EGFLAM: variants seen among roughly 807,000 people sequenced by gnomAD.
EGFLAM encodes the protein EGF like, fibronectin type III and laminin G domains.
EGFLAM carries 79 observed loss-of-function variants against 113.1 expected under a neutral mutation model. That is an observed-to-expected ratio of 0.70 (90% CI 0.58 to 0.84). EGFLAM has a LOEUF of 0.84. Among genes scored for constraint, EGFLAM ranks in the 40% least tolerant of loss-of-function variants. The probability of loss-of-function intolerance (pLI) is 0.00; values close to 1 mark genes in which losing one functional copy is unlikely to be tolerated. For missense variants in EGFLAM, 1,265 were observed against 1,291.6 expected, an observed-to-expected ratio of 0.98 and a Z score of 0.32; for synonymous variants, 504 against 487.6, an observed-to-expected ratio of 1.03 and a Z score of -0.44.
chr5:38,350,155 A>C (rs1349266256), intron 3 of EGFLAM, among the ~76,000 whole-genome samples: 1 of 152,218 alleles, frequency 6.6e-6, no homozygotes, highest in Non-Finnish European at 1.5e-5. Context: ...GAAAGAAGGA[A>C]CTGGGGAATT....
At chr5:38,425,215 C>G (rs2961894) in intron 13 of EGFLAM, 123 bp downstream of exon 13, 63,416 of 1,424,604 alleles carry the variant, frequency 0.045, 5,174 homozygotes, top group African/African-American at 0.35. Context: ...GGCTCCCTCT[C>G]TTACCCAGGC....
intron 5 of EGFLAM, among the ~76,000 whole-genome samples, chr5:38,359,469 G>A (rs1469068502): frequency 6.6e-6 from 1 of 152,210 alleles, no homozygotes; most frequent in Non-Finnish European, 1.5e-5. Flanking sequence ...GAGGCCAGGA[G>A]TTTGAGACCA....
At chr5:38,320,719 C>G (rs1212475204) in intron 1 of EGFLAM, among the ~76,000 whole-genome samples, 6 of 152,002 alleles carry the variant, frequency 3.9e-5, no homozygotes, top group African/African-American at 1.2e-4. Context: ...CAGCGGTCCC[C>G]AACCTGGGAC....
chr5:38,463,867 C>T lies in EGFLAM; in HGVS notation c.2911C>T (p.Gln971Ter). ...MKEIALHTNR[Q>*]YMRGLVGCIS... is the part of the protein sequence containing the mutation. ...GGAAATTGCTCTGCACACTAACAGG[C>T]AATATATGAGAGGGCTCGTGGGCTG... Residue 971 changes from glutamine to a stop codon, truncating the protein, a stop_gained, in exon 22 of 22, where the codon CAA (glutamine) becomes TAA (stop). Coordinates refer to ENST00000322350, the MANE Select transcript of EGFLAM (RefSeq NM_152403.4). LOFTEE classifies it high-confidence loss of function. The T allele has an allele frequency of 3.1e-6, 5 of 1,614,152 alleles. No individual in the cohort carries two copies. The highest frequency in any genetic ancestry group is 3.4e-6 in the Non-Finnish European group (4 of 1,180,032).
rs116323114 is a variant in EGFLAM, at chr5:38,302,069, G to A, written c.98-35451G>A. On this transcript the variant is annotated intron_variant, in intron 1 of 21. Transcript: ENST00000322350. The stretch of plus-strand genomic sequence containing the variant: ...AGCCTGGCCAACGTAGCGAAACCCC[G>A]TCTCTACTAAATACAAAATTAGCTG... Among the ~76,000 whole-genome samples, 1,459 of 152,012 alleles carry A rather than the reference G, an allele frequency of 9.6e-3. 26 individuals carry two copies. The highest frequency in any genetic ancestry group is 0.033 in the African/African-American group (1,356 of 41,422).
intron 6 of EGFLAM, among the ~76,000 whole-genome samples, chr5:38,378,487 G>C (rs1196117272): frequency 6.6e-6 from 1 of 152,234 alleles, no homozygotes; most frequent in Non-Finnish European, 1.5e-5. Flanking sequence ...GCAGCAGTGA[G>C]CAGAGAGGAA....
chr5:38,358,595 T>C (rs539176310), intron 5 of EGFLAM, among the ~76,000 whole-genome samples: 1 of 152,074 alleles, frequency 6.6e-6, no homozygotes, highest in Admixed American at 6.5e-5. Context: ...ACCAAGCAAA[T>C]TTTTGTTCTT....
At chr5:38,335,491 C>T (rs767088929) in intron 1 of EGFLAM, among the ~76,000 whole-genome samples, 5 of 152,134 alleles carry the variant, frequency 3.3e-5, no homozygotes, top group South Asian at 2.1e-4. Flanking sequence ...TCCCAGAACT[C>T]GTCTCATCCT....
intron 6 of EGFLAM, among the ~76,000 whole-genome samples, chr5:38,373,031 A>G (rs546258210): frequency 1.3e-5 from 2 of 152,240 alleles, no homozygotes; most frequent in East Asian, 3.9e-4. Context: ...CAAATTAACA[A>G]ATTACTTCAA....
intron 1 of EGFLAM, among the ~76,000 whole-genome samples, chr5:38,276,681 A>T (rs1757894848): frequency 6.6e-6 from 1 of 152,122 alleles, no homozygotes; most frequent in South Asian, 2.1e-4. Context: ...ACTTTTAGCT[A>T]GACTAGAAAA....
chr5:38,442,467 AG>A (rs1393665229), intron 17 of EGFLAM, among the ~76,000 whole-genome samples: 1 of 150,040 alleles, frequency 6.7e-6, no homozygotes, highest in Non-Finnish European at 1.5e-5. Flanking sequence ...ATTAAAAATA[AG>A]TCATTTCAAA....
rs944986531 is a variant in EGFLAM, at chr5:38,427,409, G to C, written c.2054+157G>C. 5.5e-6 allele frequency: 7 copies of C among 1,266,058 alleles called. No homozygotes were observed. In the South Asian group the frequency reaches 1.1e-4, roughly 19 times the overall value. 78.4% of individuals were successfully genotyped at this position (1,266,058 alleles called of 1,614,324 possible). On this transcript the variant is annotated intron_variant, in intron 14 of 21. Transcript: ENST00000322350. ...GTCCTGACTTGTCCTGCTTCAGGCA[G>C]ATGACAGGCTTCCTATAGAGAGTGC... is the stretch of plus-strand genomic sequence containing the variant.
At chr5:38,404,569 T>C (rs1456116381) in intron 6 of EGFLAM, among the ~76,000 whole-genome samples, 2 of 152,252 alleles carry the variant, frequency 1.3e-5, no homozygotes, top group African/African-American at 4.8e-5. Context: ...CTGAGAATGG[T>C]GCATGACTTA....
rs149575293 is a variant in EGFLAM, at chr5:38,273,973, A to C, written c.97+15122A>C. On this transcript the variant is annotated intron_variant, in intron 1 of 21. Transcript: ENST00000322350. The stretch of plus-strand genomic sequence containing the variant: ...TTCAATAAAATGCGTAGAAACAGTT[A>C]AATGAAATGAAGAAAAGAATAAGTG... 5.3e-3 allele frequency among the ~76,000 whole-genome samples: 807 copies of C among 152,328 alleles called. 9 individuals are homozygous for C. The highest frequency in any genetic ancestry group is 0.018 in the African/African-American group (750 of 41,572).
At chr5:38,358,307 C>G (rs1435150575) in intron 5 of EGFLAM, among the ~76,000 whole-genome samples, 1 of 150,934 alleles carries the variant, frequency 6.6e-6, no homozygotes, top group African/African-American at 2.4e-5. Flanking sequence ...GTTGGCCGGG[C>G]GAGGTGGCGG....
rs1221180343 is a variant in EGFLAM at position 38,464,930 on chromosome 5, T to G, written c.*944T>G. The G allele has an allele frequency of 1.3e-5, 2 of 152,214 alleles. No homozygotes were observed. The highest frequency in any genetic ancestry group is 2.9e-5 in the Non-Finnish European group (2 of 68,054). The allele number at this position is 152,214 out of a possible 1,614,324, so 9.4% of individuals were successfully genotyped here. A position where few individuals can be genotyped will look rare whatever the true frequency, so the allele number is the denominator to read the frequency against. On this transcript the variant is annotated 3_prime_UTR_variant, in exon 22 of 22. Transcript: ENST00000322350. ...AGATAAGCAGATTAAAAGGAACATG[T>G]GTTACCGAGGTAGGTCACTGTCATT...
intron 1 of EGFLAM, among the ~76,000 whole-genome samples, chr5:38,303,874 GC>G (rs1252446683): frequency 6.6e-6 from 1 of 152,138 alleles, no homozygotes; most frequent in Non-Finnish European, 1.5e-5. Context: ...GGTGGCTCAT[GC>G]CTGTAACCTC....
intron 12 of EGFLAM, among the ~76,000 whole-genome samples, chr5:38,422,069 C>T (rs1741842589): frequency 1.3e-5 from 2 of 151,954 alleles, no homozygotes; most frequent in Non-Finnish European, 2.9e-5. Flanking sequence ...AGGTGGGCCT[C>T]GGTTACGGAC....
chr5:38,318,001 A>G (rs1738644943), intron 1 of EGFLAM, among the ~76,000 whole-genome samples: 1 of 152,164 alleles, frequency 6.6e-6, no homozygotes, highest in Non-Finnish European at 1.5e-5. Context: ...GTTCTCACCC[A>G]TGAGTTAATG....
Sources: gnomAD v4.1 joint callset for allele counts (sites outside exome capture counted in the v4.1 genomes callset) on GRCh38, gnomAD v4.1.1 for gene constraint, MANE v1.5 for transcripts, NCBI Gene and HGNC (gene_info 2026-07-23, HGNC 2026-07-21) for gene names.